DPP10: variants seen among roughly 807,000 people sequenced by gnomAD.
DPP10 encodes inactive dipeptidyl peptidase 10.
DPP10 carries 33 observed loss-of-function variants against 120.9 expected under a neutral mutation model. The ratio of observed to expected loss-of-function variants is 0.27; its 90% CI spans 0.21 to 0.37. The LOEUF is 0.37. DPP10 is among the 10% of genes least tolerant of loss of function. DPP10 has a pLI of 1.00. For missense variants in DPP10, 816 were observed against 942.8 expected (o/e 0.87, Z 1.76); for synonymous variants, 337 against 326.1 (o/e 1.03, Z -0.36).
At chr2:114,900,608 C>T (rs1251932003) in intron 1 of DPP10, among the ~76,000 whole-genome samples, 5 of 152,076 alleles carry the variant, frequency 3.3e-5, no homozygotes, top group African/African-American at 2.4e-5. Context: ...TGTTCATTTA[C>T]GTGTTGCAAA....
intron 1 of DPP10, among the ~76,000 whole-genome samples, chr2:114,860,329 G>A (rs954025976): frequency 2.0e-5 from 3 of 152,154 alleles, no homozygotes; most frequent in Non-Finnish European, 4.4e-5. Context: ...AGCTACGCCT[G>A]TTATTTCTTT....
chr2:114,670,205 A>G (rs1698226535), intron 1 of DPP10, among the ~76,000 whole-genome samples: 1 of 152,184 alleles, frequency 6.6e-6, no homozygotes, highest in Admixed American at 6.5e-5. Context: ...ATGCTGCTAT[A>G]AAGACACATG....
At chr2:115,812,038 T>C (rs896132370) in intron 19 of DPP10, among the ~76,000 whole-genome samples, 1 of 152,214 alleles carries the variant, frequency 6.6e-6, no homozygotes, top group Non-Finnish European at 1.5e-5. Context: ...TATTTTCAAA[T>C]GCCTTATGCC....
intron 1 of DPP10, among the ~76,000 whole-genome samples, chr2:114,560,318 A>G (rs893818127): frequency 1.3e-5 from 2 of 152,034 alleles, no homozygotes; most frequent in Non-Finnish European, 2.9e-5. Flanking sequence ...TACCACTATA[A>G]TTTTTTTTAA....
At chr2:114,637,149 C>T (rs1370688025) in intron 1 of DPP10, among the ~76,000 whole-genome samples, 1 of 151,534 alleles carries the variant, frequency 6.6e-6, no homozygotes, top group Non-Finnish European at 1.5e-5. Context: ...TTTTAAGATC[C>T]CTAAATAAGC....
At chr2:115,476,942 A>C (rs1009741089) in intron 3 of DPP10, among the ~76,000 whole-genome samples, 2 of 152,172 alleles carry the variant, frequency 1.3e-5, no homozygotes, top group African/African-American at 4.8e-5. Context: ...ATACAGAAAA[A>C]ATCATTTAAT....
At chr2:114,477,881 G>T (rs1425677497) in intron 1 of DPP10, among the ~76,000 whole-genome samples, 1 of 145,558 alleles carries the variant, frequency 6.9e-6, no homozygotes, top group South Asian at 2.2e-4. Context: ...ACATATATGT[G>T]TATATATGTA....
chr2:114,886,541 G>T (rs1340931360), intron 1 of DPP10, among the ~76,000 whole-genome samples: 1 of 152,186 alleles, frequency 6.6e-6, no homozygotes, highest in Non-Finnish European at 1.5e-5. Context: ...GTGATCTATG[G>T]TATTTGGGGG....
chr2:115,161,823 T>A, intron 1 of DPP10: 750 of 309,650 alleles, frequency 2.4e-3, no homozygotes, highest in East Asian at 3.6e-3. Context: ...TCCCCGCCCC[T>A]CCGCTCCCCC....
At chr2:114,509,990 A>G (rs143959354) in intron 1 of DPP10, among the ~76,000 whole-genome samples, 1 of 152,172 alleles carries the variant, frequency 6.6e-6, no homozygotes, top group African/African-American at 2.4e-5. Context: ...GTGGTGGGAA[A>G]GACTTCATGG....
intron 1 of DPP10, among the ~76,000 whole-genome samples, chr2:114,538,465 C>A (rs1212639695): frequency 6.6e-6 from 1 of 152,126 alleles, no homozygotes; most frequent in Non-Finnish European, 1.5e-5. Flanking sequence ...AACAACAAAG[C>A]TGAGACTGGA....
chr2:115,406,993 AC>A (rs1180289580), intron 3 of DPP10, among the ~76,000 whole-genome samples: 1 of 152,162 alleles, frequency 6.6e-6, no homozygotes, highest in Non-Finnish European at 1.5e-5. Context: ...TTGAAGAGTG[AC>A]GGGGAGTGGA....
chr2:115,662,433 TA>T (rs1342800275), intron 5 of DPP10, among the ~76,000 whole-genome samples: 8 of 118,304 alleles, frequency 6.8e-5, no homozygotes, highest in African/African-American at 2.3e-4. Context: ...TTTTGTTTTT[TA>T]TTTTTTTTTT....
At chr2:115,622,706 T>G (rs1269115177) in intron 5 of DPP10, among the ~76,000 whole-genome samples, 1 of 151,974 alleles carries the variant, frequency 6.6e-6, no homozygotes, top group Admixed American at 6.6e-5. Flanking sequence ...TCTTCATACT[T>G]TCTAATACTT....
chr2:114,954,770 A>G lies in DPP10; in HGVS notation c.61-354469A>G, dbSNP rs6750789. On this transcript the variant is annotated intron_variant, in intron 1 of 25. Transcript: ENST00000410059. Reference sequence around the variant, plus strand: ...ACTGAAATAAATAAAATTATAAGTGAGAAAGGAGATACTACAGCTGAAACC... The same window carrying G: ...ACTGAAATAAATAAAATTATAAGTGGGAAAGGAGATACTACAGCTGAAACC... Among the ~76,000 whole-genome samples the G allele has an allele frequency of 9.6e-3, 1,461 of 152,256 alleles. 27 individuals are homozygous for G. Among genetic ancestry groups the G allele is most frequent in the African/African-American group, 0.033 (1,392 of 41,574 alleles).
intron 1 of DPP10, among the ~76,000 whole-genome samples, chr2:114,896,024 G>A (rs1692937664): frequency 6.6e-6 from 1 of 152,030 alleles, no homozygotes; most frequent in South Asian, 2.1e-4. Flanking sequence ...TCTCAGGTTT[G>A]TCAAAGATCA....
At chr2:114,965,254 C>A (rs13025368) in intron 1 of DPP10, among the ~76,000 whole-genome samples, 39,046 of 151,782 alleles carry the variant, frequency 0.26, 5,093 homozygotes, top group East Asian at 0.36. Context: ...CTCCTGCCTC[C>A]GCCTCCTGAG....
At chr2:114,656,135 A>G (rs1056111091) in intron 1 of DPP10, among the ~76,000 whole-genome samples, 1 of 152,144 alleles carries the variant, frequency 6.6e-6, no homozygotes, top group African/African-American at 2.4e-5. Flanking sequence ...ATTTTTAGCA[A>G]TTATTCTTGG....
intron 1 of DPP10, among the ~76,000 whole-genome samples, chr2:114,503,387 T>C (rs984768679): frequency 4.6e-5 from 7 of 152,190 alleles, no homozygotes; most frequent in Admixed American, 3.3e-4. Flanking sequence ...CCAGGGTATA[T>C]AGTTTGGGAG....
Sources: gnomAD v4.1 joint callset for allele counts (sites outside exome capture counted in the v4.1 genomes callset) on GRCh38, gnomAD v4.1.1 for gene constraint, MANE v1.5 for transcripts, NCBI Gene and HGNC (gene_info 2026-07-23, HGNC 2026-07-21) for gene names.